Variants in APTX observed in about 807,000 individuals in gnomAD.
APTX encodes the protein forkhead-associated domain histidine triad-like protein.
Under a neutral mutation model 42.3 loss-of-function variants are expected in APTX, and 33 were observed. The ratio of observed to expected loss-of-function variants is 0.78; its 90% confidence interval spans 0.59 to 1.04. APTX has a LOEUF of 1.04. Ranked by LOEUF, APTX falls within the 50% of genes least tolerant of loss-of-function variation. The pLI is 0.00. For missense variants in APTX, 421 were observed against 415.1 expected (o/e 1.01, Z -0.12); for synonymous variants, 130 against 146.7 (o/e 0.89, Z 0.82).
chr9:33,020,009 C>T (rs1252584814), intron 1 of APTX: 1 of 406,544 alleles, frequency 2.5e-6, no homozygotes, highest in Non-Finnish European at 4.5e-6. Context: ...GGACCTGACA[C>T]GTGCGGTGGG....
intron 6 of APTX, among the ~76,000 whole-genome samples, chr9:32,975,922 G>C (rs1829273301): frequency 6.6e-6 from 1 of 152,040 alleles, no homozygotes; most frequent in Non-Finnish European, 1.5e-5. Flanking sequence ...TCTTTCCATG[G>C]GTATCTGATA....
chr9:32,974,303 T>C (rs1221455360), intron 7 of APTX, among the ~76,000 whole-genome samples, 155 bp downstream of exon 7: 2 of 152,140 alleles, frequency 1.3e-5, no homozygotes, highest in Non-Finnish European at 2.9e-5. Context: ...ACAATCCAAA[T>C]AATCCAGTTT....
upstream of APTX, among the ~76,000 whole-genome samples, chr9:33,004,825 A>G (rs1283296227): frequency 1.3e-5 from 2 of 150,958 alleles, no homozygotes; most frequent in Non-Finnish European, 3.0e-5. Context: ...TTTTTTTAGA[A>G]GAGATGGGGT....
Position 32,986,032 on chromosome 9 carries a change from T to TAAAAA in APTX, c.484-7_484-3dup, listed in dbSNP as rs373304582. ...TTGACTCCAGTGGCCCAGGGATTCC[T>TAAAAA]AAAAAAAAAACAAAAAAAAAAACAA... On this transcript the variant is annotated splice_polypyrimidine_tract_variant and splice_region_variant and intron_variant, in intron 4 of 7. Transcript: ENST00000379817. The TAAAAA allele has an allele frequency of 8.6e-5, 63 of 733,240 alleles. No homozygotes were observed. Among genetic ancestry groups the TAAAAA allele is most frequent in the Middle Eastern group, 8.5e-4 (2 of 2,356 alleles). 45.4% of individuals were successfully genotyped at this position (733,240 alleles called of 1,614,324 possible). A position where few individuals can be genotyped will look rare whatever the true frequency, so the allele number is the denominator to read the frequency against.
intron 1 of APTX, among the ~76,000 whole-genome samples, chr9:32,998,325 G>C (rs1835447129): frequency 6.6e-6 from 1 of 152,172 alleles, no homozygotes; most frequent in Non-Finnish European, 1.5e-5. Context: ...TTTTCATTCT[G>C]AATGCTGGTA....
chr9:33,003,049 A>C (rs1836814098), upstream of APTX, among the ~76,000 whole-genome samples: 1 of 152,224 alleles, frequency 6.6e-6, no homozygotes, highest in Admixed American at 6.5e-5. Flanking sequence ...ACAACTGCCC[A>C]AGATAAAAAG....
intron 6 of APTX, among the ~76,000 whole-genome samples, chr9:32,977,869 T>C (rs369381868): frequency 2.3e-4 from 35 of 151,938 alleles, no homozygotes; most frequent in African/African-American, 8.5e-4. Context: ...ACAGATACCA[T>C]ATAATTATCA....
intron 1 of APTX, chr9:33,020,100 G>A (rs946323680): frequency 5.2e-6 from 2 of 381,256 alleles, no homozygotes; most frequent in Admixed American, 4.5e-5. Context: ...CGCAGTTGGC[G>A]CCTCCGCCTG....
At chr9:33,021,352 T>A (rs764433205) in intron 1 of APTX, among the ~76,000 whole-genome samples, 2 of 152,142 alleles carry the variant, frequency 1.3e-5, no homozygotes, top group African/African-American at 4.8e-5. Flanking sequence ...CAAACTGATA[T>A]ATAAAATCAC....
intron 1 of APTX, among the ~76,000 whole-genome samples, chr9:33,000,497 A>T (rs902162327): frequency 1.3e-5 from 2 of 151,564 alleles, no homozygotes; most frequent in Non-Finnish European, 2.9e-5. Context: ...GCGTCGTGGC[A>T]CACGCCTGTA....
intron 1 of APTX, among the ~76,000 whole-genome samples, chr9:33,022,656 G>A (rs993722001): frequency 9.2e-5 from 14 of 152,096 alleles, no homozygotes; most frequent in African/African-American, 4.8e-5. Context: ...TACATACTAC[G>A]CCATTAAAAA....
At chr9:33,019,555 C>G (rs1838194145) in intron 1 of APTX, 1 of 343,094 alleles carries the variant, frequency 2.9e-6, no homozygotes, top group African/African-American at 2.1e-5. Flanking sequence ...AACAAGGGAC[C>G]CCTGAGCACA....
At chr9:32,994,965 T>C (rs1834479375) in intron 1 of APTX, among the ~76,000 whole-genome samples, 1 of 152,224 alleles carries the variant, frequency 6.6e-6, no homozygotes, top group Non-Finnish European at 1.5e-5. Context: ...ACAGCATGAC[T>C]GACTGAATAT....
Position 32,973,475 on chromosome 9 carries a change from G to GCAGCAGCT in APTX, c.*15_*22dup, listed in dbSNP as rs776979710. Reference sequence around the variant, plus strand: ...GTTTGCTCCAGTGGGCCACACCACAGCAGCAGCTCAGGCTCTGCAGAATCA... The same window carrying GCAGCAGCT: ...GTTTGCTCCAGTGGGCCACACCACAGCAGCAGCTCAGCAGCTCAGGCTCTGCAGAATCA... On this transcript the variant is annotated 3_prime_UTR_variant, in exon 8 of 8. Transcript: ENST00000379817. The GCAGCAGCT allele has an allele frequency of 6.2e-7, 1 of 1,613,472 alleles. No homozygotes were observed. The highest frequency in any genetic ancestry group is 1.1e-5 in the South Asian group (1 of 90,948).
At chr9:32,992,360 T>C (rs1833848774) in intron 1 of APTX, among the ~76,000 whole-genome samples, 1 of 152,180 alleles carries the variant, frequency 6.6e-6, no homozygotes, top group Non-Finnish European at 1.5e-5. Context: ...AGTGCGAGTA[T>C]ATGAGTACTA....
chr9:32,986,054 ACAAAAAAAAAAAAAAACAAGC>A, intron 4 of APTX, 24 bp from the exon 5 acceptor site: 2 of 665,292 alleles, frequency 3.0e-6, no homozygotes, highest in Non-Finnish European at 4.4e-6. Flanking sequence ...AAAAAAAAAA[ACAAAAAAAAAAAAAAACAAGC>A]AATGTAAATT....
chr9:32,993,459 G>A lies in APTX; in HGVS notation c.-4-3564C>T, dbSNP rs75433787. On this transcript the variant is annotated intron_variant, in intron 1 of 7. Transcript: ENST00000379817. ...GACAATAGAGGTCATGTCCATTTTC[G>A]CTTATCAATATATCTGTAGCACCTA... Among the ~76,000 whole-genome samples, 793 of 152,208 alleles carry A rather than the reference G, an allele frequency of 5.2e-3. 3 individuals are homozygous for A. Among genetic ancestry groups the A allele is most frequent in the African/African-American group, 8.9e-3 (370 of 41,534 alleles).
intron 1 of APTX, among the ~76,000 whole-genome samples, chr9:33,023,943 C>A (rs1241261170): frequency 6.6e-6 from 1 of 152,072 alleles, no homozygotes; most frequent in Non-Finnish European, 1.5e-5. Flanking sequence ...CTAAAAACAT[C>A]ATATTCTTCC....
intron 1 of APTX, among the ~76,000 whole-genome samples, chr9:32,990,395 A>C (rs952218038): frequency 2.0e-5 from 3 of 151,772 alleles, no homozygotes; most frequent in African/African-American, 7.3e-5. Context: ...CTGGTCTCAA[A>C]CTTCTGACCT....
Sources: allele counts gnomAD v4.1 joint callset (sites outside exome capture counted in the v4.1 genomes callset), GRCh38; gene constraint gnomAD v4.1.1; transcripts MANE v1.5; gene names NCBI Gene and HGNC (gene_info 2026-07-23, HGNC 2026-07-21).